The following NHSL1 variants were observed in gnomAD, a reference collection of about 807,000 sequenced individuals.
NHSL1 encodes NHS like 1, also known as NHS-like protein 1.
NHSL1 carries 48 observed loss-of-function variants against 95.0 expected under a neutral mutation model. The ratio of observed to expected loss-of-function variants is 0.51; its 90% confidence interval spans 0.40 to 0.64. NHSL1 has a LOEUF of 0.64. NHSL1 is among the 30% of genes least tolerant of loss of function. NHSL1 has a pLI of 0.00. For missense variants in NHSL1, 1,971 were observed against 2,077.7 expected (o/e 0.95, Z 1.00); for synonymous variants, 783 against 833.9 (o/e 0.94, Z 1.05).
rs1421197599 is a variant in NHSL1 at position 138,499,231 on chromosome 6, A to G, written c.58+2T>C. ...GTAGTAGAGAGAAAAGGAACTACTT[A>G]CTTTTCTTCTTAAAAAGTTTAATTA... On this transcript the variant is annotated splice_donor_variant, in intron 1 of 7. Transcript: ENST00000343505. LOFTEE classifies it high-confidence loss of function. The G allele has an allele frequency of 6.6e-7, 1 of 1,523,380 alleles. No individual in the cohort carries two copies. Among genetic ancestry groups the G allele is most frequent in the East Asian group, 2.5e-5 (1 of 40,762 alleles). 94.4% of individuals were successfully genotyped at this position (1,523,380 alleles called of 1,614,324 possible). A position where few individuals can be genotyped will look rare whatever the true frequency, so the allele number is the denominator to read the frequency against.
chr6:138,465,773 G>A lies in NHSL1; in HGVS notation c.339+7533C>T, dbSNP rs182262976. On this transcript the variant is annotated intron_variant, in intron 3 of 7. Coordinates refer to ENST00000343505, the MANE Select transcript of NHSL1 (RefSeq NM_001144060.2). ...GAGTCTAGCTCTGTCGCCTAGGCTG[G>A]AGTGCAGGGGCATGATCTTGGCTCA... Among the ~76,000 whole-genome samples the A allele has an allele frequency of 5.5e-3, 824 of 149,588 alleles. 7 individuals carry two copies. The highest frequency in any genetic ancestry group is 9.6e-3 in the Non-Finnish European group (648 of 67,562).
At chr6:138,521,485 C>T (rs993026950) in intron 1 of NHSL1, among the ~76,000 whole-genome samples, 1 of 151,852 alleles carries the variant, frequency 6.6e-6, no homozygotes, top group African/African-American at 2.4e-5. Flanking sequence ...AAAACAGCTA[C>T]CCCCTGCCTC....
At chr6:138,490,780 T>C (rs533530936) in intron 2 of NHSL1, among the ~76,000 whole-genome samples, 206 of 152,108 alleles carry the variant, frequency 1.4e-3, no homozygotes, top group Non-Finnish European at 2.2e-3. Context: ...ACTACAGGCA[T>C]GCGCCACCAC....
chr6:138,595,466 C>T (rs1784291292), intron 1 of NHSL1, among the ~76,000 whole-genome samples: 1 of 152,158 alleles, frequency 6.6e-6, no homozygotes, highest in Non-Finnish European at 1.5e-5. Context: ...GTCCCAGCTA[C>T]TCAGGAGGCC....
At chr6:138,664,081 C>T (rs116305223) in intron 1 of NHSL1, among the ~76,000 whole-genome samples, 92 of 152,238 alleles carry the variant, frequency 6.0e-4, no homozygotes, top group African/African-American at 2.0e-3. Flanking sequence ...CAAACAAATG[C>T]GGATTAGATA....
intron 1 of NHSL1, among the ~76,000 whole-genome samples, chr6:138,656,993 T>C (rs1315956065): frequency 6.6e-6 from 1 of 152,208 alleles, no homozygotes; most frequent in Non-Finnish European, 1.5e-5. Context: ...GATCAGAGCT[T>C]CCATTTCCCC....
intron 3 of NHSL1, among the ~76,000 whole-genome samples, chr6:138,471,346 G>A (rs151048280): frequency 1.3e-5 from 2 of 152,252 alleles, no homozygotes; most frequent in African/African-American, 2.4e-5. Context: ...CTGAGCATCA[G>A]TATAAGGCTA....
At chr6:138,566,294 A>T (rs1783613807) in intron 1 of NHSL1, among the ~76,000 whole-genome samples, 2 of 152,058 alleles carry the variant, frequency 1.3e-5, no homozygotes, top group South Asian at 4.2e-4. Context: ...GCTACCCAGG[A>T]GGCTGAGGCA....
chr6:138,500,844 T>C (rs1398078966), upstream of NHSL1, among the ~76,000 whole-genome samples: 1 of 151,826 alleles, frequency 6.6e-6, no homozygotes, highest in East Asian at 2.0e-4. Context: ...GTTACCATCT[T>C]ATCATACATA....
intron 1 of NHSL1, among the ~76,000 whole-genome samples, chr6:138,682,091 C>T (rs1785520360): frequency 6.6e-6 from 1 of 151,734 alleles, no homozygotes; most frequent in South Asian, 2.1e-4. Context: ...AAGCAATACT[C>T]CTGCCTCAAC....
chr6:138,467,829 A>G (rs1360499796), intron 3 of NHSL1, among the ~76,000 whole-genome samples: 10 of 152,260 alleles, frequency 6.6e-5, no homozygotes, highest in Non-Finnish European at 1.5e-4. Context: ...TTATTACAAA[A>G]CAGTCAAAAA....
intron 5 of NHSL1, 58 bp downstream of exon 5, chr6:138,441,925 G>A: frequency 2.7e-6 from 4 of 1,470,212 alleles, no homozygotes; most frequent in Non-Finnish European, 3.6e-6. Flanking sequence ...AATGAGGTTA[G>A]CGCAGTAAGG....
intron 3 of NHSL1, chr6:138,464,117 A>G (rs2098415036): frequency 1.9e-6 from 1 of 525,892 alleles, no homozygotes; most frequent in Non-Finnish European, 3.5e-6. Flanking sequence ...AGCTATCCTC[A>G]CCGCTATCTG....
chr6:138,526,600 A>C (rs1781916131), intron 1 of NHSL1, among the ~76,000 whole-genome samples: 1 of 152,194 alleles, frequency 6.6e-6, no homozygotes, highest in Non-Finnish European at 1.5e-5. Context: ...AAATATATGA[A>C]ACAAACTCCA....
intron 1 of NHSL1, chr6:138,650,765 G>A (rs1562402668): frequency 1.8e-6 from 1 of 544,542 alleles, no homozygotes; most frequent in Non-Finnish European, 3.8e-6. Context: ...CTTTCTTCAG[G>A]GAAGTCTTCA....
chr6:138,606,633 C>T (rs1340387232), intron 1 of NHSL1, among the ~76,000 whole-genome samples: 6 of 152,182 alleles, frequency 3.9e-5, no homozygotes, highest in East Asian at 1.9e-4. Flanking sequence ...TTATTGCCTC[C>T]GTGCTTTTTG....
At chr6:138,571,437 G>A (rs974727677) in intron 1 of NHSL1, 32 of 401,310 alleles carry the variant, frequency 8.0e-5, no homozygotes, top group East Asian at 2.2e-4. Flanking sequence ...CAAGTCACAT[G>A]AGCATGTGGC....
rs138497279 is a variant in NHSL1 at position 138,586,809 on chromosome 6, C to T, written c.97-90438G>A. 1.9e-3 allele frequency among the ~76,000 whole-genome samples: 290 copies of T among 152,244 alleles called. 3 individuals are homozygous for T. Among genetic ancestry groups the T allele is most frequent in the East Asian group, 0.013 (69 of 5,180 alleles). On this transcript the variant is annotated intron_variant, in intron 1 of 3. Transcript: ENST00000491526. ...ACTGTGAGTACCCTGTGTTTGACAG[C>T]CTGGTGCTGCTCAAAAACAAACCAC...
chr6:138,575,089 G>T (rs1273961715), upstream of NHSL1, among the ~76,000 whole-genome samples: 5 of 152,016 alleles, frequency 3.3e-5, no homozygotes, highest in African/African-American at 9.7e-5. Flanking sequence ...AGTAGAGACG[G>T]GGTTTCTCCA....
Sources: gnomAD v4.1 joint callset for allele counts (sites outside exome capture counted in the v4.1 genomes callset) on GRCh38, gnomAD v4.1.1 for gene constraint, MANE v1.5 for transcripts, NCBI Gene and HGNC (gene_info 2026-07-23, HGNC 2026-07-21) for gene names.